The following BCKDHB variants were observed in gnomAD, a reference collection of about 807,000 sequenced individuals.
BCKDHB encodes the protein branched chain keto acid dehydrogenase E1 subunit beta.
Under a neutral mutation model 48.5 loss-of-function variants are expected in BCKDHB, and 41 were observed. The ratio of observed to expected loss-of-function variants is 0.85; its 90% CI spans 0.66 to 1.10. BCKDHB has a LOEUF of 1.10. BCKDHB is among the 50% of genes least tolerant of loss of function. The pLI is 0.00. For missense variants in BCKDHB, 496 were observed against 494.2 expected (o/e 1.00, Z -0.03); for synonymous variants, 201 against 174.8 (o/e 1.15, Z -1.18).
chr6:80,463,103 C>T, the BCKDHB span: 1 of 152,228 alleles, frequency 6.6e-6, no homozygotes, highest in East Asian at 1.9e-4. Flanking sequence ...TGCATGTTTC[C>T]CTAAATTAGA....
At chr6:80,457,482 GCA>G in the BCKDHB span, among the ~76,000 whole-genome samples, 88 of 152,186 alleles carry the variant, frequency 5.8e-4, no homozygotes, top group African/African-American at 2.0e-3. Context: ...GGCTAAATTG[GCA>G]CACACTCCCT....
At chr6:80,399,266 GAGAAAGAA>G in the BCKDHB span, among the ~76,000 whole-genome samples, 1 of 151,850 alleles carries the variant, frequency 6.6e-6, no homozygotes, top group Admixed American at 6.6e-5. Flanking sequence ...AATCAGGCAA[GAGAAAGAA>G]AGAAAGAGCA....
chr6:80,366,354 C>T, the BCKDHB span, among the ~76,000 whole-genome samples: 36 of 152,208 alleles, frequency 2.4e-4, no homozygotes, highest in Admixed American at 2.3e-3. Context: ...TATGCCACAA[C>T]TATAACTGGA....
At chr6:80,293,341 G>A (rs993558401) in intron 9 of BCKDHB, among the ~76,000 whole-genome samples, 1 of 152,178 alleles carries the variant, frequency 6.6e-6, no homozygotes, top group Non-Finnish European at 1.5e-5. Flanking sequence ...TTCTGCACCT[G>A]CAGGCTTAAC....
At chr6:80,120,890 T>A (rs1220957111) in intron 1 of BCKDHB, among the ~76,000 whole-genome samples, 1 of 152,106 alleles carries the variant, frequency 6.6e-6, no homozygotes, top group African/African-American at 2.4e-5. Context: ...GTCTATTTTG[T>A]CTTTTGTTGC....
intron 9 of BCKDHB, among the ~76,000 whole-genome samples, chr6:80,280,764 G>A (rs1778161815): frequency 6.6e-6 from 1 of 152,214 alleles, no homozygotes; most frequent in Non-Finnish European, 1.5e-5. Flanking sequence ...TACTGTATGT[G>A]ATTAAACTAG....
intron 8 of BCKDHB, among the ~76,000 whole-genome samples, chr6:80,251,463 A>G (rs1368050601): frequency 6.6e-6 from 1 of 152,194 alleles, no homozygotes; most frequent in Non-Finnish European, 1.5e-5. Flanking sequence ...GCAAAATTGT[A>G]TTAAGATATT....
intron 9 of BCKDHB, among the ~76,000 whole-genome samples, chr6:80,330,125 T>G (rs897775810): frequency 6.6e-6 from 1 of 151,192 alleles, no homozygotes; most frequent in Non-Finnish European, 1.5e-5. Context: ...AAAAAAAAGC[T>G]TTGGTATGAA....
chr6:80,295,519 G>A (rs1767183465), intron 9 of BCKDHB, among the ~76,000 whole-genome samples: 1 of 151,624 alleles, frequency 6.6e-6, no homozygotes, highest in African/African-American at 2.4e-5. Context: ...ATGACATATG[G>A]GAATTATGGG....
Position 80,258,666 on chromosome 6 carries a change from T to G in BCKDHB, c.952-14469T>G, listed in dbSNP as rs965728075. 2.6e-5 allele frequency among the ~76,000 whole-genome samples: 4 copies of G among 152,062 alleles called. No homozygotes were observed. In the East Asian group the frequency reaches 7.7e-4, roughly 29 times the overall value. Reference sequence around the variant, plus strand: ...CAGGTTGCTGATGTGGGGGCTAGTATCTAAGCAGTGATCCTGATGAGGGGA... The same window carrying G: ...CAGGTTGCTGATGTGGGGGCTAGTAGCTAAGCAGTGATCCTGATGAGGGGA... On this transcript the variant is annotated intron_variant, in intron 8 of 9. Coordinates refer to ENST00000320393, the MANE Select transcript of BCKDHB (RefSeq NM_183050.4).
chr6:80,409,836 C>G, the BCKDHB span, among the ~76,000 whole-genome samples: 1 of 151,592 alleles, frequency 6.6e-6, no homozygotes, highest in Non-Finnish European at 1.5e-5. Context: ...TGAAATGGGT[C>G]TCCTGAATAC....
At chr6:80,428,274 G>A in the BCKDHB span, among the ~76,000 whole-genome samples, 1 of 152,266 alleles carries the variant, frequency 6.6e-6, no homozygotes, top group African/African-American at 2.4e-5. Context: ...GTCTATCACT[G>A]ATGGACATTT....
chr6:80,373,815 G>C, the BCKDHB span, among the ~76,000 whole-genome samples: 2 of 152,048 alleles, frequency 1.3e-5, no homozygotes, highest in Non-Finnish European at 2.9e-5. Context: ...TCTGATACAA[G>C]AATAGCTACT....
chr6:80,318,411 G>A (rs806842), intron 9 of BCKDHB, among the ~76,000 whole-genome samples: 6,694 of 152,196 alleles, frequency 0.044, 495 homozygotes, highest in African/African-American at 0.15. Context: ...TGGGGGCTAG[G>A]CGTGGTGGCT....
intron 8 of BCKDHB, among the ~76,000 whole-genome samples, chr6:80,216,776 A>G (rs1266309244): frequency 6.6e-6 from 1 of 152,180 alleles, no homozygotes; most frequent in South Asian, 2.1e-4. Flanking sequence ...ACTCTCTCCC[A>G]TTAAACTGGT....
chr6:80,449,921 G>GTT, the BCKDHB span, among the ~76,000 whole-genome samples: 1 of 152,022 alleles, frequency 6.6e-6, no homozygotes, highest in Admixed American at 6.6e-5. Context: ...CCAATAGGAA[G>GTT]TTGCTGCCAG....
At chr6:80,368,060 C>T in the BCKDHB span, among the ~76,000 whole-genome samples, 1 of 152,212 alleles carries the variant, frequency 6.6e-6, no homozygotes, top group East Asian at 1.9e-4. Flanking sequence ...GTTTCTGTGT[C>T]ATCCAGTCCA....
At chr6:80,456,626 G>A in the BCKDHB span, among the ~76,000 whole-genome samples, 3 of 152,230 alleles carry the variant, frequency 2.0e-5, no homozygotes, top group Non-Finnish European at 2.9e-5. Flanking sequence ...TATTTAGCCT[G>A]AAGGTCCTGC....
Position 80,301,083 on chromosome 6 carries a change from G to A in BCKDHB, c.1038+27862G>A, listed in dbSNP as rs530711955. ...AGCCCTAAAAGGCTTTCATTAAGAAGTTAGAAAGGTTTCGAATTAACAATC... is the reference window on the plus strand; with the variant it reads ...AGCCCTAAAAGGCTTTCATTAAGAAATTAGAAAGGTTTCGAATTAACAATC... On this transcript the variant is annotated intron_variant, in intron 9 of 9. Coordinates refer to ENST00000320393, the MANE Select transcript of BCKDHB (RefSeq NM_183050.4). 2.6e-5 allele frequency among the ~76,000 whole-genome samples: 4 copies of A among 151,862 alleles called. No homozygotes were observed. In the East Asian group the frequency reaches 7.8e-4, roughly 30 times the overall value.
Sources: allele counts gnomAD v4.1 joint callset (sites outside exome capture counted in the v4.1 genomes callset), GRCh38; gene constraint gnomAD v4.1.1; transcripts MANE v1.5; gene names NCBI Gene and HGNC (gene_info 2026-07-23, HGNC 2026-07-21).